The following BRF1 variants were observed in gnomAD, a reference collection of about 807,000 sequenced individuals.
BRF1 encodes transcription factor IIIB 90 kDa subunit.
In BRF1, 59 loss-of-function variants were observed where a neutral mutation model predicts 81.7. That is an observed-to-expected ratio of 0.72 (90% CI 0.59 to 0.90). BRF1 has a LOEUF of 0.90. BRF1 is among the 40% of genes least tolerant of loss of function. BRF1 has a pLI of 0.00. For synonymous variants in BRF1, 491 were observed against 395.6 expected, an observed-to-expected ratio of 1.24 and a Z score of -2.86; for missense variants, 1,050 against 936.3, an observed-to-expected ratio of 1.12 and a Z score of -1.58.
At chr14:105,313,095 C>T (rs921015149) in intron 1 of BRF1, among the ~76,000 whole-genome samples, 5 of 152,198 alleles carry the variant, frequency 3.3e-5, no homozygotes, top group Non-Finnish European at 5.9e-5. Context: ...CTGCTGTGCA[C>T]GGCTTAGTCA....
intron 2 of BRF1, among the ~76,000 whole-genome samples, chr14:105,275,926 G>A (rs1243230886): frequency 2.0e-5 from 3 of 150,758 alleles, no homozygotes; most frequent in African/African-American, 4.9e-5. Context: ...GCTGAGAGGC[G>A]GCCCTCACTA....
rs1226275186 is a variant in BRF1, at chr14:105,300,649, G to C, written c.-20C>G. 26 of 1,346,418 alleles carry C rather than the reference G, an allele frequency of 1.9e-5. No homozygotes were observed. The highest frequency in any genetic ancestry group is 1.9e-5 in the Non-Finnish European group (20 of 1,059,972). 83.4% of individuals were successfully genotyped at this position (1,346,418 alleles called of 1,614,324 possible). A position where few individuals can be genotyped will look rare whatever the true frequency, so the allele number is the denominator to read the frequency against. ...CGTCATGCCGGCGACCGCGCGGGCAGCGCCCGGAGCCTCCCAAGACTCTCA... is the reference window on the plus strand; with the variant it reads ...CGTCATGCCGGCGACCGCGCGGGCACCGCCCGGAGCCTCCCAAGACTCTCA... On this transcript the variant is annotated 5_prime_UTR_variant, in exon 1 of 18. Coordinates refer to ENST00000547530, the MANE Select transcript of BRF1 (RefSeq NM_001519.4).
rs1192173524 is a variant in BRF1, at chr14:105,271,896, G to A, written c.439+825C>T. Among the ~76,000 whole-genome samples, 5 of 106,054 alleles carry A rather than the reference G, an allele frequency of 4.7e-5. No individual in the cohort carries two copies. The highest frequency in any genetic ancestry group is 7.1e-5 in the African/African-American group (2 of 28,320). The allele number at this position is 106,054 out of a possible 152,430, so 69.6% of individuals were successfully genotyped here. A position where few individuals can be genotyped will look rare whatever the true frequency, so the allele number is the denominator to read the frequency against. The stretch of plus-strand genomic sequence containing the variant: ...CACGCACAAGGCCAAGCTGCACACC[G>A]CTGAGGGTCGGCGGCCTCCCCGCCC... On this transcript the variant is annotated intron_variant, in intron 3 of 17. Coordinates refer to ENST00000547530, the MANE Select transcript of BRF1 (RefSeq NM_001519.4). The surrounding 1 kb of genome is among the most constrained non-coding windows in gnomAD (Gnocchi z 5.5).
At chr14:105,311,206 G>A (rs1344455535) in intron 1 of BRF1, among the ~76,000 whole-genome samples, 5 of 151,962 alleles carry the variant, frequency 3.3e-5, no homozygotes, top group East Asian at 1.9e-4. Flanking sequence ...CACCCACTTC[G>A]GCCTCCCAAA....
intron 6 of BRF1, among the ~76,000 whole-genome samples, chr14:105,229,408 C>A (rs1245031411): frequency 6.6e-6 from 1 of 152,260 alleles, no homozygotes; most frequent in Non-Finnish European, 1.5e-5. Flanking sequence ...TCCTGCAGCG[C>A]AGGGATGCCG....
chr14:105,264,057 A>T (rs2056287181), intron 3 of BRF1, among the ~76,000 whole-genome samples: 1 of 152,200 alleles, frequency 6.6e-6, no homozygotes, highest in African/African-American at 2.4e-5. Flanking sequence ...AGACCAAAGG[A>T]ACAAAAACAA....
intron 12 of BRF1, 72 bp from the exon 13 acceptor site, chr14:105,219,304 CAGCGGGAAGTATTTCCACCGTT>C (rs1891860294): frequency 1.9e-6 from 3 of 1,590,360 alleles, no homozygotes; most frequent in Non-Finnish European, 1.7e-6. Flanking sequence ...TCGCGCTGGC[CAGCGGGAAGTATTTCCACCGTT>C]AGAGGAAGGG....
At chr14:105,285,909 T>G (rs2140474190) in intron 2 of BRF1, among the ~76,000 whole-genome samples, 1 of 152,326 alleles carries the variant, frequency 6.6e-6, no homozygotes, top group East Asian at 1.9e-4. Flanking sequence ...TTCAACTCAA[T>G]CATAAGACAA....
chr14:105,243,970 A>G (rs1209505049), intron 5 of BRF1, among the ~76,000 whole-genome samples: 3 of 152,214 alleles, frequency 2.0e-5, no homozygotes, highest in Non-Finnish European at 4.4e-5. Flanking sequence ...ACTGTACTCC[A>G]GCCTAGGCGA....
chr14:105,304,619 A>G (rs2058128540), upstream of BRF1, among the ~76,000 whole-genome samples: 1 of 152,224 alleles, frequency 6.6e-6, no homozygotes, highest in Non-Finnish European at 1.5e-5. Context: ...CTATGGTCTG[A>G]ATGTGCATTG....
At chr14:105,281,614 C>T (rs905025083) in intron 2 of BRF1, among the ~76,000 whole-genome samples, 2 of 152,116 alleles carry the variant, frequency 1.3e-5, no homozygotes, top group Non-Finnish European at 2.9e-5. Context: ...GACTGCAGCT[C>T]GTGCACCACA....
At chr14:105,228,035 G>A (rs1390485691) in intron 7 of BRF1, 2 of 152,166 alleles carry the variant, frequency 1.3e-5, no homozygotes, top group Non-Finnish European at 2.9e-5. Flanking sequence ...CAGCAAAGCC[G>A]GGGTGCAAAG....
At chr14:105,314,798 C>T (rs1241761787) in intron 1 of BRF1, 5 of 239,950 alleles carry the variant, frequency 2.1e-5, no homozygotes, top group Non-Finnish European at 2.6e-5. Context: ...CCGGCCCGTC[C>T]CCTCCGCCGC....
rs1232769838 is a variant in BRF1 at position 105,228,824 on chromosome 14, T to C, written c.784A>G (p.Lys262Glu). ...VVKVCESTLR[K>E]RLTEFEDTPT... ...CCATGAATGAGAGCCCCTCACCTCT[T>C]CCGCAGCGTGGACTCACACACTTTG... The change falls in exon 7 of 18, where the codon AAG becomes GAG. Residue 262 changes from lysine to glutamate, a missense_variant. Physicochemically the swap from Lys to Glu is moderately conservative, Grantham distance 56. Transcript: ENST00000547530. 6.2e-7 allele frequency: 1 copy of C among 1,613,766 alleles called. No individual in the cohort carries two copies. The highest frequency in any genetic ancestry group is 8.5e-7 in the Non-Finnish European group (1 of 1,180,014).
rs968666127 is a variant in BRF1, at chr14:105,222,244, C to T, written c.1049-330G>A. The stretch of plus-strand genomic sequence containing the variant: ...CATAAAACACTGATAAAACGGATTT[C>T]CAAAAAATTAAGAACTGCCCTTTGA... On this transcript the variant is annotated intron_variant, in intron 10 of 17. Transcript: ENST00000547530. 1.6e-5 allele frequency: 4 copies of T among 245,934 alleles called. No homozygotes were observed. In the Admixed American group the frequency reaches 2.3e-4, roughly 14 times the overall value. 15.2% of individuals were successfully genotyped at this position (245,934 alleles called of 1,614,324 possible).
At chr14:105,301,669 C>G (rs985525450), upstream of BRF1, among the ~76,000 whole-genome samples, 4 of 152,250 alleles carry the variant, frequency 2.6e-5, no homozygotes, top group Non-Finnish European at 4.4e-5. Flanking sequence ...GTTTTCTGTT[C>G]CCCTAAAATT....
chr14:105,221,529 C>A, intron 11 of BRF1, 119 bp downstream of exon 11: 10 of 1,408,664 alleles, frequency 7.1e-6, no homozygotes, highest in Non-Finnish European at 9.4e-6. Context: ...AAGCCCACCG[C>A]CCGAGACCAC....
rs587705980 is a variant in BRF1 at position 105,275,698 on chromosome 14, G to A, written c.266-2804C>T. On this transcript the variant is annotated intron_variant, in intron 2 of 17. Transcript: ENST00000547530. ...GCCCCGACCCCACAGGCACCAGCTC[G>A]TGTTCCCAGCATGCAGGGCTGCTAT... Among the ~76,000 whole-genome samples, 12 of 152,380 alleles carry A rather than the reference G, an allele frequency of 7.9e-5. No individual in the cohort carries two copies. In the East Asian group the frequency reaches 1.5e-3, roughly 20 times the overall value.
chr14:105,282,163 C>T (rs1280895655), intron 2 of BRF1, among the ~76,000 whole-genome samples: 1 of 152,176 alleles, frequency 6.6e-6, no homozygotes, highest in Non-Finnish European at 1.5e-5. Flanking sequence ...CATGGGGTGC[C>T]TGTCTCAACC....
Sources: gnomAD v4.1 joint callset for allele counts (sites outside exome capture counted in the v4.1 genomes callset) on GRCh38, gnomAD v4.1.1 for gene constraint, Gnocchi (gnomAD v3.1) non-coding constraint, MANE v1.5 for transcripts, NCBI Gene and HGNC (gene_info 2026-07-23, HGNC 2026-07-21) for gene names.